The following DGKD variants were observed in gnomAD, a reference collection of about 807,000 sequenced individuals.
The protein encoded by DGKD is diacylglycerol kinase delta, also known as DAG kinase delta.
Under a neutral mutation model 154.4 loss-of-function variants are expected in DGKD, and 68 were observed. The ratio of observed to expected loss-of-function variants is 0.44; its 90% CI spans 0.36 to 0.54. DGKD has a LOEUF of 0.54. Ranked by LOEUF, DGKD falls within the 20% of genes least tolerant of loss-of-function variation. The pLI is 0.00. For synonymous variants in DGKD, 693 were observed against 638.0 expected, an observed-to-expected ratio of 1.09 and a Z score of -1.30; for missense variants, 1,343 against 1,593.6, an observed-to-expected ratio of 0.84 and a Z score of 2.68.
chr2:233,449,156 G>T lies in DGKD; in HGVS notation c.1668G>T (p.Glu556Asp), dbSNP rs568272831. The change falls in exon 15 of 30, where the codon GAG (glutamate) becomes GAT (aspartate). Residue 556 changes from glutamate (E) to aspartate (D), a missense_variant. Glu to Asp is a conservative substitution (Grantham distance 45). Coordinates refer to ENST00000264057, the MANE Select transcript of DGKD (RefSeq NM_152879.3). The surrounding 1 kb of genome is among the most constrained non-coding windows in gnomAD (Gnocchi z 5.3). ...LDSLLKTLDD[E>D]SQASSSLPNP... The stretch of plus-strand genomic sequence containing the variant: ...CCCTTCTCAAGACCTTGGACGATGA[G>T]TCCCAGGCCTCGTCCTCTCTGCCCA... 6.2e-7 allele frequency: 1 copy of T among 1,613,120 alleles called. No individual in the cohort carries two copies. The highest frequency in any genetic ancestry group is 1.6e-4 in the Middle Eastern group (1 of 6,062).
intron 1 of DGKD, among the ~76,000 whole-genome samples, chr2:233,364,191 T>C (rs1297836078): frequency 1.3e-5 from 2 of 152,350 alleles, no homozygotes; most frequent in African/African-American, 4.8e-5. Context: ...AGAAAGTTAC[T>C]GTGAACCCAG....
Position 233,449,401 on chromosome 2 carries a change from G to A in DGKD, c.1888+25G>A, listed in dbSNP as rs757727517. On this transcript the variant is annotated intron_variant, in intron 15 of 29. Transcript: ENST00000264057. This position sits in a 1 kb window ranked among gnomAD's most constrained non-coding sequence, Gnocchi z 5.3. ...GGTAACTGGCCTTGTGATGAGGAGG[G>A]GCTTTCCTCAGGCCAGCACTGGGCA... 6.3e-7 allele frequency: 1 copy of A among 1,579,094 alleles called. No homozygotes were observed. Among genetic ancestry groups the A allele is most frequent in the South Asian group, 1.1e-5 (1 of 87,660 alleles).
intron 3 of DGKD, among the ~76,000 whole-genome samples, chr2:233,420,688 T>G (rs2062085518): frequency 6.6e-6 from 1 of 152,230 alleles, no homozygotes; most frequent in Admixed American, 6.5e-5. Context: ...GGTTCAAGGT[T>G]TAATACAACT....
chr2:233,361,817 C>T (rs762724044), intron 1 of DGKD, among the ~76,000 whole-genome samples: 3 of 151,978 alleles, frequency 2.0e-5, no homozygotes, highest in Non-Finnish European at 2.9e-5. Flanking sequence ...TCTTTTAAGA[C>T]GGAGTCTCAC....
rs1407750695 is a variant in DGKD, at chr2:233,438,841, C to G, written c.1085+462C>G. ...GTGGGTGTATTTTCCTGGCGTGCCT[C>G]GTTCTTTGTAACAGCTGCCTAACAT... On this transcript the variant is annotated intron_variant, in intron 9 of 29. Transcript: ENST00000264057. The surrounding 1 kb of genome is among the most constrained non-coding windows in gnomAD (Gnocchi z 4.1). 6.6e-6 allele frequency among the ~76,000 whole-genome samples: 1 copy of G among 151,888 alleles called. No homozygotes were observed. Among genetic ancestry groups the G allele is most frequent in the East Asian group, 1.9e-4 (1 of 5,192 alleles).
At chr2:233,454,942 G>A (rs988340514) in intron 19 of DGKD, 69 bp downstream of exon 19, 13 of 986,858 alleles carry the variant, frequency 1.3e-5, no homozygotes, top group Admixed American at 9.1e-5. Flanking sequence ...GACAGTAGCA[G>A]ATTTCTGGAG....
intron 26 of DGKD, among the ~76,000 whole-genome samples, chr2:233,463,402 A>T (rs1169898785): frequency 7.7e-6 from 1 of 130,394 alleles, no homozygotes; most frequent in African/African-American, 3.0e-5. Context: ...ACATCTCCTC[A>T]CTCCACGCAT....
intron 1 of DGKD, among the ~76,000 whole-genome samples, chr2:233,381,316 G>A (rs369468184): frequency 1.3e-5 from 2 of 152,350 alleles, no homozygotes; most frequent in East Asian, 1.9e-4. Context: ...TCCTGAATGA[G>A]GATGAATCTG....
Position 233,413,779 on chromosome 2 carries a change from T to G in DGKD, c.349-20601T>G, listed in dbSNP as rs368751591. 2.8e-3 allele frequency among the ~76,000 whole-genome samples: 434 copies of G among 152,350 alleles called. 3 individuals carry two copies. Among genetic ancestry groups the G allele is most frequent in the African/African-American group, 9.9e-3 (412 of 41,580 alleles). ...GCATGCCGTGCCCTCCCACGGTGGCTCTTCAAATTCTTGGCTATGTGCCCA... is the reference window on the plus strand; with the variant it reads ...GCATGCCGTGCCCTCCCACGGTGGCGCTTCAAATTCTTGGCTATGTGCCCA... On this transcript the variant is annotated intron_variant, in intron 3 of 29. Transcript: ENST00000264057.
At chr2:233,411,815 C>T (rs185308023) in intron 3 of DGKD, among the ~76,000 whole-genome samples, 31 of 152,226 alleles carry the variant, frequency 2.0e-4, no homozygotes, top group Non-Finnish European at 4.0e-4. Flanking sequence ...TATTGATGTT[C>T]TTCCCCCGAC....
Position 233,452,899 on chromosome 2 carries a change from C to A in DGKD, c.2264+839C>A, listed in dbSNP as rs900703898. 6.6e-6 allele frequency among the ~76,000 whole-genome samples: 1 copy of A among 152,252 alleles called. No homozygotes were observed. The highest frequency in any genetic ancestry group is 2.4e-5 in the African/African-American group (1 of 41,544). ...GGAAGAAATGTGCGGTTCACAGAGGCTCTGGGTTTGGGAAAGTGGACCCCT... is the reference window on the plus strand; with the variant it reads ...GGAAGAAATGTGCGGTTCACAGAGGATCTGGGTTTGGGAAAGTGGACCCCT... On this transcript the variant is annotated intron_variant, in intron 18 of 29. Coordinates refer to ENST00000264057, the MANE Select transcript of DGKD (RefSeq NM_152879.3). The surrounding 1 kb of genome is among the most constrained non-coding windows in gnomAD (Gnocchi z 4.0).
chr2:233,358,077 G>A (rs910933574), intron 1 of DGKD, among the ~76,000 whole-genome samples: 1 of 152,190 alleles, frequency 6.6e-6, no homozygotes, highest in Non-Finnish European at 1.5e-5. Context: ...GCTCTTTAGA[G>A]TTGAAGCTGT....
chr2:233,472,050 C>A lies in DGKD; in HGVS notation c.*2590C>A, dbSNP rs1309271870. 3 of 152,318 alleles carry A rather than the reference C, an allele frequency of 2.0e-5. No homozygotes were observed. The highest frequency in any genetic ancestry group is 4.4e-5 in the Non-Finnish European group (3 of 68,028). The allele number at this position is 152,318 out of a possible 1,614,324, so 9.4% of individuals were successfully genotyped here. On this transcript the variant is annotated 3_prime_UTR_variant, in exon 30 of 30. Coordinates refer to ENST00000264057, the MANE Select transcript of DGKD (RefSeq NM_152879.3). ...ACATAGTCCATACCTGAGTGCTGTACATAAGTTGTTCTGTGTATAAATAAA... is the reference window on the plus strand; with the variant it reads ...ACATAGTCCATACCTGAGTGCTGTAAATAAGTTGTTCTGTGTATAAATAAA...
intron 1 of DGKD, among the ~76,000 whole-genome samples, chr2:233,383,998 G>T (rs915714883): frequency 1.3e-5 from 2 of 152,148 alleles, no homozygotes; most frequent in African/African-American, 2.4e-5. Context: ...TGCATTTGCT[G>T]ATGTGGCTAT....
chr2:233,436,485 C>G (rs1283963500), intron 7 of DGKD, 44 bp downstream of exon 7: 7 of 1,588,744 alleles, frequency 4.4e-6, no homozygotes, highest in Non-Finnish European at 5.1e-6. Flanking sequence ...AGGGCTTGCT[C>G]CCTACCGTGC....
chr2:233,392,988 T>TA (rs1703732199), intron 3 of DGKD, among the ~76,000 whole-genome samples: 1 of 152,360 alleles, frequency 6.6e-6, no homozygotes, highest in South Asian at 2.1e-4. Flanking sequence ...AACTAGTTCT[T>TA]AGATTATTGA....
rs771172634 is a variant in DGKD at position 233,448,271 on chromosome 2, C to A, written c.1515-5C>A. ...AGAAGGGTCTTTCTGTTTTTCTCCC[C>A]ACAGAGTGCTCTGTGAGACGGTGAA... is the stretch of plus-strand genomic sequence containing the variant. On this transcript the variant is annotated splice_region_variant and splice_polypyrimidine_tract_variant and intron_variant, in intron 13 of 29. Coordinates refer to ENST00000264057, the MANE Select transcript of DGKD (RefSeq NM_152879.3). 1 of 1,614,124 alleles carries A rather than the reference C, an allele frequency of 6.2e-7. No individual in the cohort carries two copies. Among genetic ancestry groups the A allele is most frequent in the South Asian group, 1.1e-5 (1 of 91,064 alleles).
At position 233,388,078 on chromosome 2, in the gene DGKD, C is replaced by A; in HGVS notation, c.157-179C>A. 4 of 1,392,956 alleles carry A rather than the reference C, an allele frequency of 2.9e-6. No individual in the cohort carries two copies. In the South Asian group the frequency reaches 4.6e-5, roughly 16 times the overall value. 86.3% of individuals were successfully genotyped at this position (1,392,956 alleles called of 1,614,324 possible). A position where few individuals can be genotyped will look rare whatever the true frequency, so the allele number is the denominator to read the frequency against. ...CCTTAGAGGACAGGATTGGTGCAACCCCCCATGCCCCCGGCAGCGTGCTGG... is the reference window on the plus strand; with the variant it reads ...CCTTAGAGGACAGGATTGGTGCAACACCCCATGCCCCCGGCAGCGTGCTGG... On this transcript the variant is annotated intron_variant, in intron 1 of 29. Coordinates refer to ENST00000264057, the MANE Select transcript of DGKD (RefSeq NM_152879.3).
chr2:233,409,400 T>C (rs747740068), intron 3 of DGKD, among the ~76,000 whole-genome samples: 30 of 152,010 alleles, frequency 2.0e-4, no homozygotes, highest in Admixed American at 8.5e-4. Context: ...ATGGATTTGA[T>C]TGAATTTTTT....
Sources: allele counts gnomAD v4.1 joint callset (sites outside exome capture counted in the v4.1 genomes callset), GRCh38; gene constraint gnomAD v4.1.1; non-coding constraint Gnocchi (gnomAD v3.1); transcripts MANE v1.5; gene names NCBI Gene and HGNC (gene_info 2026-07-23, HGNC 2026-07-21).